The following ARB2A variants were observed in gnomAD, a reference collection of about 807,000 sequenced individuals.
ARB2A encodes cotranscriptional regulator ARB2A.
the ARB2A span, among the ~76,000 whole-genome samples, chr5:93,910,266 G>A: frequency 6.6e-6 from 1 of 150,620 alleles, no homozygotes; most frequent in African/African-American, 2.4e-5. Context: ...ATTTCCATGG[G>A]GGGGCAATTA....
the ARB2A span, among the ~76,000 whole-genome samples, chr5:93,706,859 C>T: frequency 1.4e-5 from 2 of 139,394 alleles, no homozygotes; most frequent in Non-Finnish European, 3.0e-5. Context: ...AACAAGATTC[C>T]GTCAAAAAAA....
the ARB2A span, among the ~76,000 whole-genome samples, chr5:93,791,873 T>C: frequency 6.6e-6 from 1 of 151,892 alleles, no homozygotes; most frequent in Non-Finnish European, 1.5e-5. Context: ...TAGACCATGC[T>C]GCCACGTGCA....
At chr5:94,098,085 T>C in the ARB2A span, among the ~76,000 whole-genome samples, 3 of 152,146 alleles carry the variant, frequency 2.0e-5, no homozygotes, top group East Asian at 1.9e-4. Context: ...GAGCTGAACC[T>C]TGGTCCCCTG....
chr5:93,844,668 G>GT, the ARB2A span, among the ~76,000 whole-genome samples: 1 of 152,078 alleles, frequency 6.6e-6, no homozygotes, highest in African/African-American at 2.4e-5. Flanking sequence ...ACCTAAGAGA[G>GT]TAACAGAAGA....
chr5:93,724,533 G>C, the ARB2A span, among the ~76,000 whole-genome samples: 1 of 151,940 alleles, frequency 6.6e-6, no homozygotes, highest in East Asian at 1.9e-4. Flanking sequence ...TCAAACTTTA[G>C]CTAGTTAAAA....
At chr5:93,804,103 A>G in the ARB2A span, among the ~76,000 whole-genome samples, 1 of 152,020 alleles carries the variant, frequency 6.6e-6, no homozygotes, top group Non-Finnish European at 1.5e-5. Flanking sequence ...GTACACAGAC[A>G]CCATACAAAG....
chr5:94,014,278 G>C, the ARB2A span, among the ~76,000 whole-genome samples: 5 of 152,132 alleles, frequency 3.3e-5, no homozygotes, highest in Admixed American at 6.5e-5. Flanking sequence ...TCCTCTTTGA[G>C]GCCTCCCCCA....
At chr5:93,670,531 C>T in the ARB2A span, among the ~76,000 whole-genome samples, 1 of 152,208 alleles carries the variant, frequency 6.6e-6, no homozygotes. Context: ...TTCAGCATAA[C>T]TCAGGGCCAT....
chr5:94,022,983 A>T, the ARB2A span, among the ~76,000 whole-genome samples: 2 of 152,220 alleles, frequency 1.3e-5, no homozygotes, highest in East Asian at 3.9e-4. Flanking sequence ...TCTTCCCCAC[A>T]TCACCTCAAC....
chr5:93,665,622 G>C, the ARB2A span, among the ~76,000 whole-genome samples: 1 of 152,182 alleles, frequency 6.6e-6, no homozygotes, highest in Non-Finnish European at 1.5e-5. Context: ...AAAACAAACA[G>C]GGGTCAGGCA....
At chr5:93,683,294 C>T in the ARB2A span, 7 of 1,603,408 alleles carry the variant, frequency 4.4e-6, no homozygotes, top group South Asian at 2.2e-5. Context: ...AGGGGCAGAC[C>T]GCTTTCCAGA....
chr5:93,683,011 T>C, the ARB2A span: 497 of 1,579,320 alleles, frequency 3.1e-4, 3 homozygotes, highest in African/African-American at 6.0e-3. Context: ...GTCCTTTTGG[T>C]GTTTTAGGAG....
chr5:93,814,190 T>G, the ARB2A span, among the ~76,000 whole-genome samples: 1 of 152,216 alleles, frequency 6.6e-6, no homozygotes, highest in Non-Finnish European at 1.5e-5. Flanking sequence ...ATTTGAGATC[T>G]GGTCCTGATA....
At chr5:93,719,794 T>A in the ARB2A span, among the ~76,000 whole-genome samples, 12 of 152,224 alleles carry the variant, frequency 7.9e-5, no homozygotes, top group African/African-American at 2.4e-4. Flanking sequence ...AATTTTAGCA[T>A]CTCATGTTTC....
the ARB2A span, among the ~76,000 whole-genome samples, chr5:93,797,774 A>G: frequency 6.6e-6 from 1 of 152,292 alleles, no homozygotes; most frequent in East Asian, 1.9e-4. Context: ...ATCTAATGTG[A>G]TTATAAGTGA....
chr5:93,984,167 T>C, the ARB2A span, among the ~76,000 whole-genome samples: 1 of 152,150 alleles, frequency 6.6e-6, no homozygotes, highest in Non-Finnish European at 1.5e-5. Flanking sequence ...AGGGGGATAA[T>C]GTTTTGAAAA....
chr5:94,039,687 T>G, the ARB2A span, among the ~76,000 whole-genome samples: 10 of 152,098 alleles, frequency 6.6e-5, no homozygotes, highest in African/African-American at 2.4e-4. Context: ...TTCTTTCTTG[T>G]GCAAGATACC....
At chr5:93,649,654 A>C in the ARB2A span, among the ~76,000 whole-genome samples, 1 of 152,238 alleles carries the variant, frequency 6.6e-6, no homozygotes, top group Non-Finnish European at 1.5e-5. Flanking sequence ...GGAGCTGACA[A>C]AAGGCTTACA....
At chr5:93,801,207 G>C in the ARB2A span, among the ~76,000 whole-genome samples, 1 of 152,098 alleles carries the variant, frequency 6.6e-6, no homozygotes, top group African/African-American at 2.4e-5. Context: ...TGCCCTTCTG[G>C]TTTTGCCAAG....
Sources: gnomAD v4.1 joint callset for allele counts (sites outside exome capture counted in the v4.1 genomes callset) on GRCh38, gnomAD v4.1.1 for gene constraint, MANE v1.5 for transcripts, NCBI Gene and HGNC (gene_info 2026-07-23, HGNC 2026-07-21) for gene names.